Variants in RBFOX1 observed in about 807,000 individuals in gnomAD.
The protein encoded by RBFOX1 is RNA binding protein fox-1 homolog 1.
In RBFOX1, 8 loss-of-function variants were observed where a neutral mutation model predicts 57.7. That is an observed-to-expected ratio of 0.14 (90% CI 0.08 to 0.25). The LOEUF (loss-of-function observed/expected upper bound fraction) is 0.25. Ranked by LOEUF, RBFOX1 falls within the 10% of genes least tolerant of loss-of-function variation. The probability of loss-of-function intolerance (pLI) is 1.00; values close to 1 mark genes in which losing one functional copy is unlikely to be tolerated. For missense variants in RBFOX1, 611 were observed against 548.5 expected, an observed-to-expected ratio of 1.11 and a Z score of -1.14; for synonymous variants, 326 against 222.4, an observed-to-expected ratio of 1.47 and a Z score of -4.15.
chr16:5,956,820 C>T (rs573339562), intron 4 of RBFOX1, among the ~76,000 whole-genome samples: 16 of 150,486 alleles, frequency 1.1e-4, no homozygotes, highest in South Asian at 1.1e-3. Flanking sequence ...CAAGCATGCA[C>T]CACCATGCCT....
At chr16:6,679,888 T>C (rs1228763966) in intron 3 of RBFOX1, among the ~76,000 whole-genome samples, 1 of 48,644 alleles carries the variant, frequency 2.1e-5, no homozygotes, top group African/African-American at 4.7e-5. Flanking sequence ...GTTTTTTTTT[T>C]TTTTTTTTTT....
chr16:7,513,811 C>T (rs760123752), intron 4 of RBFOX1, among the ~76,000 whole-genome samples: 5 of 152,124 alleles, frequency 3.3e-5, no homozygotes, highest in Non-Finnish European at 7.3e-5. Flanking sequence ...TGCTCATAAG[C>T]CCACTTATGC....
At chr16:5,509,192 G>A (rs1597348963) in intron 2 of RBFOX1, among the ~76,000 whole-genome samples, 3 of 152,360 alleles carry the variant, frequency 2.0e-5, no homozygotes, top group East Asian at 3.9e-4. Context: ...ATGCCCACAT[G>A]CAGGGTGGTG....
chr16:6,666,408 A>G (rs566464953), intron 3 of RBFOX1, among the ~76,000 whole-genome samples: 1 of 152,034 alleles, frequency 6.6e-6, no homozygotes, highest in South Asian at 2.1e-4. Context: ...GGTGGTGGGC[A>G]CCTATAATCC....
intron 3 of RBFOX1, among the ~76,000 whole-genome samples, chr16:6,798,392 G>A (rs969919178): frequency 6.6e-6 from 1 of 152,220 alleles, no homozygotes; most frequent in African/African-American, 2.4e-5. Flanking sequence ...GACAGAAGAA[G>A]TAGAGGCTAT....
chr16:7,036,999 G>A lies in RBFOX1; in HGVS notation c.-15-15058G>A, dbSNP rs569993707. ...AGGGTAACTTCCTGACGTTGCCATG[G>A]CATTTATAAACTGTCATGGTGCCAG... is the stretch of plus-strand genomic sequence containing the variant. On this transcript the variant is annotated intron_variant, in intron 3 of 15. Coordinates refer to ENST00000550418, the MANE Select transcript of RBFOX1 (RefSeq NM_018723.4). Among the ~76,000 whole-genome samples the A allele has an allele frequency of 3.3e-5, 5 of 152,228 alleles. No homozygotes were observed. In the East Asian group the frequency reaches 7.7e-4, roughly 24 times the overall value.
chr16:5,403,359 A>AC (rs902171893), intron 1 of RBFOX1, among the ~76,000 whole-genome samples: 12 of 149,162 alleles, frequency 8.0e-5, no homozygotes, highest in African/African-American at 2.3e-4. Flanking sequence ...CAAAAAAAAA[A>AC]AAAAAAAACA....
intron 1 of RBFOX1, among the ~76,000 whole-genome samples, chr16:6,261,969 C>T (rs965763513): frequency 6.6e-6 from 1 of 151,904 alleles, no homozygotes; most frequent in African/African-American, 2.4e-5. Context: ...ACAAAGGATG[C>T]AGTGAGCCAA....
At position 7,145,776 on chromosome 16, in the gene RBFOX1, T is replaced by G. The variant is rs1248225195; in HGVS notation, c.27+93678T>G. 3.9e-5 allele frequency among the ~76,000 whole-genome samples: 6 copies of G among 152,178 alleles called. No individual in the cohort carries two copies. In the East Asian group the frequency reaches 1.2e-3, roughly 29 times the overall value. On this transcript the variant is annotated intron_variant, in intron 4 of 15. Transcript: ENST00000550418. The stretch of plus-strand genomic sequence containing the variant: ...GTATTAGGGAGATATAAAAATCATG[T>G]ATGAGTCTCCCTATACCTCTCTCTG...
chr16:5,439,444 C>T (rs767622065), intron 1 of RBFOX1, among the ~76,000 whole-genome samples: 3 of 151,904 alleles, frequency 2.0e-5, no homozygotes, highest in Non-Finnish European at 4.4e-5. Context: ...AATAGCTCAG[C>T]TGTTGCAGCA....
At chr16:7,116,568 T>A (rs1055659234) in intron 4 of RBFOX1, among the ~76,000 whole-genome samples, 4 of 152,166 alleles carry the variant, frequency 2.6e-5, no homozygotes, top group African/African-American at 9.7e-5. Context: ...ATGAGTCCAT[T>A]AAAGCTTAAA....
chr16:5,327,643 C>G (rs1046283046), intron 1 of RBFOX1, among the ~76,000 whole-genome samples: 1 of 152,260 alleles, frequency 6.6e-6, no homozygotes, highest in South Asian at 2.1e-4. Flanking sequence ...CCACTACATG[C>G]CAAGGGCCAG....
At chr16:6,616,432 TTC>T (rs2098141899) in intron 2 of RBFOX1, among the ~76,000 whole-genome samples, 1 of 151,688 alleles carries the variant, frequency 6.6e-6, no homozygotes, top group African/African-American at 2.4e-5. Flanking sequence ...ATCCCAACAC[TTC>T]AGGAGGCCGA....
chr16:6,063,996 C>A (rs2095724671), intron 1 of RBFOX1, among the ~76,000 whole-genome samples: 1 of 152,304 alleles, frequency 6.6e-6, no homozygotes, highest in Non-Finnish European at 1.5e-5. Context: ...ATTCCTATAA[C>A]CTCTAACCCT....
intron 2 of RBFOX1, among the ~76,000 whole-genome samples, chr16:6,346,246 C>T (rs2085347128): frequency 6.6e-6 from 1 of 152,160 alleles, no homozygotes; most frequent in African/African-American, 2.4e-5. Flanking sequence ...ACAAGCAATC[C>T]ATCTGAGAGA....
chr16:7,211,343 G>A (rs1037126815), intron 4 of RBFOX1, among the ~76,000 whole-genome samples: 2 of 139,050 alleles, frequency 1.4e-5, no homozygotes, highest in African/African-American at 5.5e-5. Context: ...AGTGAGCCGA[G>A]ATTGCACCAC....
intron 1 of RBFOX1, among the ~76,000 whole-genome samples, chr16:6,096,776 T>G (rs1056663917): frequency 1.3e-5 from 2 of 152,250 alleles, no homozygotes; most frequent in African/African-American, 4.8e-5. Context: ...GATAATACCC[T>G]TGATTATCTA....
chr16:5,354,429 A>G (rs1269040607), intron 1 of RBFOX1, among the ~76,000 whole-genome samples: 1 of 152,198 alleles, frequency 6.6e-6, no homozygotes, highest in Non-Finnish European at 1.5e-5. Context: ...TAGGCAAGTC[A>G]CTTGATCTTG....
At chr16:6,744,074 G>A (rs545084353) in intron 3 of RBFOX1, among the ~76,000 whole-genome samples, 29 of 152,048 alleles carry the variant, frequency 1.9e-4, no homozygotes, top group Non-Finnish European at 3.5e-4. Flanking sequence ...CTAATCTAAA[G>A]AATACTGAAG....
Sources: gnomAD v4.1 joint callset for allele counts (sites outside exome capture counted in the v4.1 genomes callset) on GRCh38, gnomAD v4.1.1 for gene constraint, MANE v1.5 for transcripts, NCBI Gene and HGNC (gene_info 2026-07-23, HGNC 2026-07-21) for gene names.